Variants in MAML2 observed in about 807,000 individuals in gnomAD.
MAML2 encodes mastermind-like protein 2.
A neutral mutation model predicts 96.1 loss-of-function variants in MAML2; 22 were observed. That is an observed-to-expected ratio of 0.23 (90% CI 0.16 to 0.33). The LOEUF is 0.33. MAML2 is among the 10% of genes least tolerant of loss of function. The probability of loss-of-function intolerance (pLI) is 1.00; values close to 1 mark genes in which losing one functional copy is unlikely to be tolerated. For missense variants in MAML2, 1,367 were observed against 1,392.4 expected, an observed-to-expected ratio of 0.98 and a Z score of 0.29; for synonymous variants, 561 against 521.3, an observed-to-expected ratio of 1.08 and a Z score of -1.04.
chr11:96,327,270 C>T (rs535837760), intron 1 of MAML2, among the ~76,000 whole-genome samples: 2 of 152,252 alleles, frequency 1.3e-5, no homozygotes, highest in Admixed American at 6.5e-5. Flanking sequence ...CCGAGGTCAT[C>T]CTGTTAGTTA....
At chr11:96,339,705 G>A (rs566918333) in intron 1 of MAML2, among the ~76,000 whole-genome samples, 2 of 152,308 alleles carry the variant, frequency 1.3e-5, no homozygotes, top group South Asian at 2.1e-4. Flanking sequence ...ATTTACTGGG[G>A]ACAATCAAGG....
rs374615681 is a variant in MAML2 at position 96,121,722 on chromosome 11, C to A, written c.514-28205G>T. Among the ~76,000 whole-genome samples the A allele has an allele frequency of 8.1e-5, 12 of 147,256 alleles. No individual in the cohort carries two copies. In the South Asian group the frequency reaches 2.6e-3, roughly 31 times the overall value. On this transcript the variant is annotated intron_variant, in intron 1 of 4. Transcript: ENST00000524717. ...AAAAAAAGAGAGAAGACTAGAAAGG[C>A]AGAAATGGGAAAGCAATGCCCTTAA...
At chr11:96,159,538 G>A (rs953075883) in intron 1 of MAML2, among the ~76,000 whole-genome samples, 1 of 146,706 alleles carries the variant, frequency 6.8e-6, no homozygotes, top group Non-Finnish European at 1.5e-5. Flanking sequence ...CCACTCTCCC[G>A]CCTCAGCCTC....
chr11:96,277,238 C>A (rs1420657614), intron 1 of MAML2, among the ~76,000 whole-genome samples: 1 of 151,540 alleles, frequency 6.6e-6, no homozygotes, highest in Admixed American at 6.6e-5. Context: ...ATTTTTTTTT[C>A]TTTTATTGAT....
At chr11:96,091,608 A>C (rs922292240) in intron 2 of MAML2, among the ~76,000 whole-genome samples, 1 of 152,180 alleles carries the variant, frequency 6.6e-6, no homozygotes, top group South Asian at 2.1e-4. Flanking sequence ...TGACAACTGG[A>C]TATGTCACTA....
chr11:96,179,068 G>A (rs998082343), intron 1 of MAML2, among the ~76,000 whole-genome samples: 8 of 151,980 alleles, frequency 5.3e-5, no homozygotes, highest in East Asian at 3.9e-4. Flanking sequence ...GGGTGATTAC[G>A]TCTGTGCAAG....
At chr11:95,991,767 A>G (rs1369734991) in intron 2 of MAML2, 44 bp from the exon 3 acceptor site, 3 of 1,492,828 alleles carry the variant, frequency 2.0e-6, no homozygotes, top group Non-Finnish European at 2.8e-6. Context: ...GTGAATTAAA[A>G]AAAGAAAAAT....
chr11:96,342,034 G>C lies in MAML2; in HGVS notation c.-139C>G, dbSNP rs1034152259. 21 of 812,552 alleles carry C rather than the reference G, an allele frequency of 2.6e-5. No individual in the cohort carries two copies. The highest frequency in any genetic ancestry group is 5.2e-5 in the African/African-American group (3 of 57,918). 50.3% of individuals were successfully genotyped at this position (812,552 alleles called of 1,614,324 possible). ...TGAATAGAGGTCTTCAGAGGTTGTG[G>C]GGGAGCCGTGGAGAAGTTGTGGGGG... On this transcript the variant is annotated 5_prime_UTR_variant, in exon 1 of 5. Coordinates refer to ENST00000524717, the MANE Select transcript of MAML2 (RefSeq NM_032427.4).
At chr11:95,998,825 T>C (rs746144567) in intron 2 of MAML2, among the ~76,000 whole-genome samples, 5 of 152,196 alleles carry the variant, frequency 3.3e-5, no homozygotes, top group Non-Finnish European at 7.4e-5. Context: ...TTTTAACTTA[T>C]GGAAAAAAAT....
chr11:96,262,068 T>A (rs1862757478), intron 1 of MAML2, among the ~76,000 whole-genome samples: 1 of 152,226 alleles, frequency 6.6e-6, no homozygotes. Flanking sequence ...AACCAACATC[T>A]ACTGAACTTG....
chr11:96,099,456 CCTTGTATTA>C (rs1859886157), intron 1 of MAML2, among the ~76,000 whole-genome samples: 1 of 152,132 alleles, frequency 6.6e-6, no homozygotes, highest in Non-Finnish European at 1.5e-5. Context: ...ATCTGAGCTT[CCTTGTATTA>C]CTAGATATTA....
At chr11:96,150,032 G>A (rs1860894916) in intron 1 of MAML2, among the ~76,000 whole-genome samples, 1 of 152,146 alleles carries the variant, frequency 6.6e-6, no homozygotes, top group South Asian at 2.1e-4. Flanking sequence ...CTACTTGTTG[G>A]ATATCTTCGC....
chr11:96,188,654 C>A (rs1033586161), intron 1 of MAML2, among the ~76,000 whole-genome samples: 16 of 144,180 alleles, frequency 1.1e-4, no homozygotes, highest in African/African-American at 3.9e-4. Flanking sequence ...TTTTTTTTTT[C>A]CTTTCCCATA....
chr11:96,193,964 A>G (rs1861694899), intron 1 of MAML2, among the ~76,000 whole-genome samples: 1 of 152,168 alleles, frequency 6.6e-6, no homozygotes, highest in Non-Finnish European at 1.5e-5. Flanking sequence ...CAGAGTGGAG[A>G]GGATCCCAAT....
At chr11:96,169,912 C>G (rs977776728) in intron 1 of MAML2, among the ~76,000 whole-genome samples, 19 of 152,232 alleles carry the variant, frequency 1.2e-4, no homozygotes, top group South Asian at 8.3e-4. Flanking sequence ...CTCGGCCTCC[C>G]AAAGTATTGG....
chr11:95,981,903 G>A (rs1435683581), intron 4 of MAML2, among the ~76,000 whole-genome samples: 1 of 152,044 alleles, frequency 6.6e-6, no homozygotes, highest in Admixed American at 6.6e-5. Context: ...GCCTGAGAAG[G>A]TTTATAAGGA....
chr11:96,038,199 A>T (rs1444485677), intron 2 of MAML2, among the ~76,000 whole-genome samples: 1 of 149,882 alleles, frequency 6.7e-6, no homozygotes, highest in Non-Finnish European at 1.5e-5. Flanking sequence ...TCTATGGGAA[A>T]GGAAGGTTGT....
chr11:96,192,672 G>A (rs1252143449), intron 1 of MAML2, among the ~76,000 whole-genome samples: 1 of 152,168 alleles, frequency 6.6e-6, no homozygotes, highest in Non-Finnish European at 1.5e-5. Flanking sequence ...AGCATTCCTT[G>A]GAATGACGCC....
At chr11:96,192,360 G>A (rs954782306) in intron 1 of MAML2, among the ~76,000 whole-genome samples, 37 of 152,230 alleles carry the variant, frequency 2.4e-4, no homozygotes, top group African/African-American at 8.0e-4. Context: ...AACAAGGAAC[G>A]TCACTGTGAC....
Sources: allele counts gnomAD v4.1 joint callset (sites outside exome capture counted in the v4.1 genomes callset), GRCh38; gene constraint gnomAD v4.1.1; transcripts MANE v1.5; gene names NCBI Gene and HGNC (gene_info 2026-07-23, HGNC 2026-07-21).